AP2A2: variants seen among roughly 807,000 people sequenced by gnomAD.
The protein encoded by AP2A2 is AP-2 complex subunit alpha-2.
AP2A2 carries 32 observed loss-of-function variants against 104.2 expected under a neutral mutation model. That is an observed-to-expected ratio of 0.31 (90% CI 0.23 to 0.41). The LOEUF is 0.41. Ranked by LOEUF, AP2A2 falls within the 10% of genes least tolerant of loss-of-function variation. The probability of loss-of-function intolerance (pLI) is 1.00; values close to 1 mark genes in which losing one functional copy is unlikely to be tolerated. For missense variants in AP2A2, 912 were observed against 1,261.0 expected, an observed-to-expected ratio of 0.72 and a Z score of 4.19; for synonymous variants, 539 against 533.3, an observed-to-expected ratio of 1.01 and a Z score of -0.15.
At chr11:974,757 C>T (rs899087564) in intron 4 of AP2A2, among the ~76,000 whole-genome samples, 25 of 149,434 alleles carry the variant, frequency 1.7e-4, no homozygotes, top group Non-Finnish European at 2.8e-4. Flanking sequence ...GAGGCTGAGA[C>T]GGGCAGATCA....
At position 992,906 on chromosome 11, in the gene AP2A2, C is replaced by T. The variant is rs1426406983; in HGVS notation, c.1452+221C>T. 1.3e-5 allele frequency among the ~76,000 whole-genome samples: 2 copies of T among 152,146 alleles called. No homozygotes were observed. The highest frequency in any genetic ancestry group is 6.5e-5 in the Admixed American group (1 of 15,278). ...TCTCAAACTTCTGGCTCTCTGGGGG[C>T]CACCTGAGAAAGCCGGCCTCTGTGT... On this transcript the variant is annotated intron_variant, in intron 11 of 21. Transcript: ENST00000448903. This position sits in a 1 kb window ranked among gnomAD's most constrained non-coding sequence, Gnocchi z 6.4.
intron 2 of AP2A2, among the ~76,000 whole-genome samples, chr11:961,922 GC>G (rs1350993668): frequency 6.7e-6 from 1 of 148,266 alleles, no homozygotes; most frequent in Non-Finnish European, 1.5e-5. Flanking sequence ...TGACAGAGTC[GC>G]CGCCACCAGT....
chr11:977,338 G>A, intron 5 of AP2A2, 114 bp downstream of exon 5: 2 of 1,380,014 alleles, frequency 1.4e-6, no homozygotes, highest in South Asian at 1.5e-5. Flanking sequence ...TGTCACAGGG[G>A]CTGCTGTGGC....
At chr11:967,551 A>T (rs1232746908) in intron 2 of AP2A2, among the ~76,000 whole-genome samples, 1 of 151,748 alleles carries the variant, frequency 6.6e-6, no homozygotes, top group African/African-American at 2.4e-5. Context: ...TAGTAGAGAC[A>T]GGATTTCACC....
intron 10 of AP2A2, chr11:988,970 G>A: frequency 2.1e-6 from 1 of 466,914 alleles, no homozygotes; most frequent in Non-Finnish European, 3.9e-6. Context: ...ACTCTAGCCT[G>A]GGCAACACAG....
At position 968,366 on chromosome 11, in the gene AP2A2, G is replaced by A. The variant is rs1854693218; in HGVS notation, c.137-1803G>A. Among the ~76,000 whole-genome samples, 2 of 152,054 alleles carry A rather than the reference G, an allele frequency of 1.3e-5. No homozygotes were observed. Among genetic ancestry groups the A allele is most frequent in the African/African-American group, 2.4e-5 (1 of 41,408 alleles). ...AGCTCTAGAGCAGCTCTTCGTCTGGGGTCCCGCGGGAGCAGAGGCTGGTCG... is the reference window on the plus strand; with the variant it reads ...AGCTCTAGAGCAGCTCTTCGTCTGGAGTCCCGCGGGAGCAGAGGCTGGTCG... On this transcript the variant is annotated intron_variant, in intron 2 of 21. Coordinates refer to ENST00000448903, the MANE Select transcript of AP2A2 (RefSeq NM_012305.4). This position sits in a 1 kb window ranked among gnomAD's most constrained non-coding sequence, Gnocchi z 4.2.
At chr11:955,830 G>A (rs192115767) in intron 1 of AP2A2, among the ~76,000 whole-genome samples, 197 of 152,340 alleles carry the variant, frequency 1.3e-3, no homozygotes, top group African/African-American at 4.6e-3. Flanking sequence ...ATCAGTTTTG[G>A]AAGCAGCAGT....
intron 2 of AP2A2, among the ~76,000 whole-genome samples, chr11:965,562 C>G (rs1182221008): frequency 2.6e-5 from 4 of 152,224 alleles, no homozygotes; most frequent in Non-Finnish European, 5.9e-5. Context: ...AAGGGAGTCT[C>G]CCCTCTGGGC....
At chr11:1,002,051 G>A (rs1856046240) in intron 15 of AP2A2, among the ~76,000 whole-genome samples, 1 of 152,214 alleles carries the variant, frequency 6.6e-6, no homozygotes, top group African/African-American at 2.4e-5. Context: ...GCCTTGCAGA[G>A]TGGTTTGCAT....
At chr11:932,005 T>G (rs1264809660) in intron 1 of AP2A2, among the ~76,000 whole-genome samples, 1 of 151,552 alleles carries the variant, frequency 6.6e-6, no homozygotes, top group Non-Finnish European at 1.5e-5. Context: ...TTCACTGTAT[T>G]AGCCAGGATG....
At chr11:984,852 C>G in intron 7 of AP2A2, 99 bp downstream of exon 7, 1 of 1,022,128 alleles carries the variant, frequency 9.8e-7, no homozygotes, top group Non-Finnish European at 1.5e-6. Flanking sequence ...AAGTGTGTTA[C>G]TAGCCCTGTC....
intron 14 of AP2A2, among the ~76,000 whole-genome samples, chr11:1,000,218 G>A (rs548422184): frequency 1.3e-5 from 2 of 152,220 alleles, no homozygotes; most frequent in Non-Finnish European, 2.9e-5. Flanking sequence ...TTTAAGTGCA[G>A]TTATCTTTAG....
chr11:978,724 C>T (rs558978979), intron 5 of AP2A2, among the ~76,000 whole-genome samples: 3 of 152,318 alleles, frequency 2.0e-5, no homozygotes, highest in Non-Finnish European at 2.9e-5. Flanking sequence ...GGCTTGGCTT[C>T]TCTGGTCTCA....
intron 2 of AP2A2, among the ~76,000 whole-genome samples, chr11:967,653 C>T (rs912115625): frequency 2.0e-5 from 3 of 152,154 alleles, no homozygotes; most frequent in Admixed American, 1.3e-4. Flanking sequence ...AGCCACCATG[C>T]GCGGCCCTGT....
chr11:998,643 T>G (rs1855933509), intron 14 of AP2A2, among the ~76,000 whole-genome samples: 1 of 152,158 alleles, frequency 6.6e-6, no homozygotes, highest in East Asian at 1.9e-4. Context: ...ATCCTTGTGA[T>G]AGTCAGAGCC....
chr11:1,011,035 C>T lies in AP2A2; in HGVS notation c.*410C>T. On this transcript the variant is annotated 3_prime_UTR_variant, in exon 22 of 22. Transcript: ENST00000448903. ...GCCACTGTGCATGGCGTGGGCTGAG[C>T]CTTGGTGTGTGGCCGTCCTGGTGGC... is the stretch of plus-strand genomic sequence containing the variant. The T allele has an allele frequency of 1.5e-6, 1 of 661,044 alleles. No individual in the cohort carries two copies. The highest frequency in any genetic ancestry group is 3.1e-5 in the East Asian group (1 of 32,496). 40.9% of individuals were successfully genotyped at this position (661,044 alleles called of 1,614,324 possible). A position where few individuals can be genotyped will look rare whatever the true frequency, so the allele number is the denominator to read the frequency against.
chr11:1,000,337 G>A, intron 14 of AP2A2, 95 bp from the exon 15 acceptor site: 1 of 1,272,314 alleles, frequency 7.9e-7, no homozygotes, highest in African/African-American at 1.5e-5. Flanking sequence ...GGATGCCAAG[G>A]GGGTGCCATG....
chr11:937,208 C>T (rs994431037), intron 1 of AP2A2, among the ~76,000 whole-genome samples: 1 of 151,824 alleles, frequency 6.6e-6, no homozygotes. Context: ...TGAGTAGAGA[C>T]GGGGTTTCAC....
intron 1 of AP2A2, among the ~76,000 whole-genome samples, chr11:945,116 G>C (rs937400628): frequency 6.6e-6 from 1 of 152,092 alleles, no homozygotes; most frequent in Non-Finnish European, 1.5e-5. Flanking sequence ...GGATGGTCTG[G>C]AAAGGGTGGG....
Sources: gnomAD v4.1 joint callset for allele counts (sites outside exome capture counted in the v4.1 genomes callset) on GRCh38, gnomAD v4.1.1 for gene constraint, Gnocchi (gnomAD v3.1) non-coding constraint, MANE v1.5 for transcripts, NCBI Gene and HGNC (gene_info 2026-07-23, HGNC 2026-07-21) for gene names.